Variants in GPHN observed in about 807,000 individuals in gnomAD.
GPHN encodes gephyrin.
Under a neutral mutation model 95.5 loss-of-function variants are expected in GPHN, and 17 were observed. The observed-to-expected ratio is 0.18, with a 90% CI of 0.12 to 0.27. The LOEUF is 0.27. Among genes scored for constraint, GPHN ranks in the 10% least tolerant of loss-of-function variants. The probability of loss-of-function intolerance (pLI) is 1.00; values close to 1 mark genes in which losing one functional copy is unlikely to be tolerated. For synonymous variants in GPHN, 320 were observed against 322.5 expected, an observed-to-expected ratio of 0.99 and a Z score of 0.08; for missense variants, 660 against 978.1, an observed-to-expected ratio of 0.67 and a Z score of 4.34.
chr14:67,213,942 T>G, the GPHN span, among the ~76,000 whole-genome samples: 1 of 152,362 alleles, frequency 6.6e-6, no homozygotes, highest in East Asian at 1.9e-4. Context: ...TTCATGTGTT[T>G]TTTGGCTGCA....
the GPHN span, among the ~76,000 whole-genome samples, chr14:67,669,676 T>C: frequency 6.6e-6 from 1 of 152,192 alleles, no homozygotes; most frequent in Admixed American, 6.5e-5. Flanking sequence ...ACCCAAACTC[T>C]GCTTCTCCTC....
chr14:67,464,077 T>A, the GPHN span, among the ~76,000 whole-genome samples: 1 of 150,284 alleles, frequency 6.7e-6, no homozygotes, highest in East Asian at 2.0e-4. Flanking sequence ...TGTGTGAGAG[T>A]GTGTGTGTGT....
the GPHN span, chr14:67,200,639 A>G: frequency 5.7e-6 from 1 of 174,876 alleles, no homozygotes; most frequent in South Asian, 1.6e-4. Context: ...CACCTCCAGT[A>G]TACCATAGGC....
At chr14:67,345,964 T>C in the GPHN span, 10 of 780,364 alleles carry the variant, frequency 1.3e-5, no homozygotes, top group South Asian at 1.2e-4. Context: ...TAATAACAAA[T>C]ATGGAAAGAT....
chr14:66,585,604 G>T (rs1350690056), intron 1 of GPHN, among the ~76,000 whole-genome samples: 1 of 152,026 alleles, frequency 6.6e-6, no homozygotes, highest in East Asian at 1.9e-4. Flanking sequence ...GTTCTCGTTG[G>T]TTTCAAAGAA....
At chr14:66,770,897 A>G (rs1049246224) in intron 2 of GPHN, among the ~76,000 whole-genome samples, 6 of 152,198 alleles carry the variant, frequency 3.9e-5, no homozygotes, top group Admixed American at 3.3e-4. Context: ...GTGTAGGAAA[A>G]AACAGTATGT....
intron 1 of GPHN, among the ~76,000 whole-genome samples, chr14:66,586,612 A>G (rs1197745077): frequency 2.0e-5 from 3 of 152,104 alleles, no homozygotes; most frequent in Non-Finnish European, 4.4e-5. Context: ...GCATTTGCTT[A>G]TCTGTAAAGG....
intron 1 of GPHN, among the ~76,000 whole-genome samples, chr14:66,587,102 AAC>A (rs1015474504): frequency 2.6e-5 from 4 of 152,184 alleles, no homozygotes; most frequent in Non-Finnish European, 5.9e-5. Context: ...GACTACTGTG[AAC>A]AGTTATACAC....
the GPHN span, among the ~76,000 whole-genome samples, chr14:67,319,848 T>C: frequency 1.3e-5 from 2 of 152,220 alleles, no homozygotes; most frequent in Admixed American, 1.3e-4. Flanking sequence ...TTATGTCTGA[T>C]TCTTAAAACA....
At chr14:66,923,001 C>T in intron 7 of GPHN, 63 bp downstream of exon 7, 1 of 1,403,230 alleles carries the variant, frequency 7.1e-7, no homozygotes. Flanking sequence ...CTGGTTTCAT[C>T]TGTTTTGCAT....
chr14:67,097,531 A>C (rs867536355), intron 12 of GPHN, among the ~76,000 whole-genome samples: 2 of 149,460 alleles, frequency 1.3e-5, no homozygotes, highest in South Asian at 2.1e-4. Flanking sequence ...TTCCCTCCCT[A>C]TTTCCCTCCC....
chr14:66,545,986 G>A (rs188777869), intron 1 of GPHN, among the ~76,000 whole-genome samples: 10,619 of 147,862 alleles, frequency 0.072, 939 homozygotes, highest in African/African-American at 0.21. Flanking sequence ...GGGCGGCTTC[G>A]GGGGGGAGGG....
rs573949974 is a variant in GPHN at position 66,632,384 on chromosome 14, T to C, written c.65-48723T>C. On this transcript the variant is annotated intron_variant, in intron 1 of 22. Transcript: ENST00000478722. The stretch of plus-strand genomic sequence containing the variant: ...TCACATATATTTGATTTTATTGTAT[T>C]CTCTTAGCTGAAATATTGATCCAGG... Among the ~76,000 whole-genome samples the C allele has an allele frequency of 4.6e-5, 7 of 152,300 alleles. No individual in the cohort carries two copies. In the South Asian group the frequency reaches 1.2e-3, roughly 27 times the overall value.
chr14:67,220,647 A>G, the GPHN span, among the ~76,000 whole-genome samples: 2 of 152,200 alleles, frequency 1.3e-5, no homozygotes, highest in Non-Finnish European at 2.9e-5. Context: ...ATATCTTGAC[A>G]GTAGTCCTAC....
intron 10 of GPHN, among the ~76,000 whole-genome samples, chr14:67,033,266 C>A (rs1004334111): frequency 2.6e-5 from 4 of 151,866 alleles, no homozygotes; most frequent in African/African-American, 9.7e-5. Context: ...AAAAGTAAAG[C>A]AAAGAAAGCC....
chr14:66,996,690 T>G (rs1159844751), intron 9 of GPHN, among the ~76,000 whole-genome samples: 1 of 152,072 alleles, frequency 6.6e-6, no homozygotes, highest in African/African-American at 2.4e-5. Context: ...AAATAGAAAA[T>G]AAATATACAT....
intron 2 of GPHN, among the ~76,000 whole-genome samples, chr14:66,762,588 G>A (rs2058800371): frequency 6.6e-6 from 1 of 151,744 alleles, no homozygotes; most frequent in Non-Finnish European, 1.5e-5. Flanking sequence ...TCTGGGCTCT[G>A]GGATGACATT....
At chr14:66,998,884 A>ATAT (rs1325582867) in intron 9 of GPHN, among the ~76,000 whole-genome samples, 24 of 138,846 alleles carry the variant, frequency 1.7e-4, no homozygotes, top group African/African-American at 5.6e-4. Flanking sequence ...TTGTAAAAAA[A>ATAT]AAAAATATAT....
At chr14:66,755,976 AAT>A (rs1032500461) in intron 2 of GPHN, among the ~76,000 whole-genome samples, 5 of 152,112 alleles carry the variant, frequency 3.3e-5, no homozygotes, top group African/African-American at 9.7e-5. Flanking sequence ...GTAATTAATT[AAT>A]ATTTGTGCAT....
Sources: allele counts gnomAD v4.1 joint callset (sites outside exome capture counted in the v4.1 genomes callset), GRCh38; gene constraint gnomAD v4.1.1; transcripts MANE v1.5; gene names NCBI Gene and HGNC (gene_info 2026-07-23, HGNC 2026-07-21).